MECOM: variants seen among roughly 807,000 people sequenced by gnomAD.
MECOM encodes MDS1 and EVI1 complex locus.
MECOM carries 13 observed loss-of-function variants against 116.3 expected under a neutral mutation model. The observed-to-expected ratio is 0.11, with a 90% CI of 0.07 to 0.18. MECOM has a LOEUF of 0.18. Among genes scored for constraint, MECOM ranks in the 10% least tolerant of loss-of-function variants. The pLI is 1.00. For synonymous variants in MECOM, 528 were observed against 535.2 expected (o/e 0.99, Z 0.19); for missense variants, 1,299 against 1,509.0 (o/e 0.86, Z 2.31).
intron 2 of MECOM, among the ~76,000 whole-genome samples, chr3:169,365,546 A>T (rs1323012105): frequency 2.6e-5 from 4 of 152,036 alleles, no homozygotes; most frequent in Non-Finnish European, 5.9e-5. Context: ...CTGTGTCACC[A>T]TGGCATTGTG....
intron 1 of MECOM, among the ~76,000 whole-genome samples, chr3:169,621,006 T>C (rs1770647986): frequency 1.3e-5 from 2 of 152,188 alleles, no homozygotes; most frequent in South Asian, 4.1e-4. Flanking sequence ...TTTACCTCTC[T>C]GAGCTTCACA....
intron 2 of MECOM, among the ~76,000 whole-genome samples, chr3:169,309,730 G>C (rs1287309372): frequency 6.6e-6 from 1 of 152,184 alleles, no homozygotes; most frequent in Non-Finnish European, 1.5e-5. Context: ...CACGGTGTAA[G>C]AGATAAAGCA....
chr3:169,402,458 G>GA (rs1204107656), intron 1 of MECOM, among the ~76,000 whole-genome samples: 1 of 151,936 alleles, frequency 6.6e-6, no homozygotes, highest in East Asian at 1.9e-4. Context: ...GGGATGGTAG[G>GA]AAAAAAATTT....
intron 13 of MECOM, among the ~76,000 whole-genome samples, chr3:169,094,181 C>G (rs1388656999): frequency 6.6e-6 from 1 of 151,934 alleles, no homozygotes; most frequent in Non-Finnish European, 1.5e-5. Flanking sequence ...AAATAATGTG[C>G]CTTTATAGGG....
At chr3:169,341,390 G>A (rs1043596886) in intron 2 of MECOM, among the ~76,000 whole-genome samples, 15 of 148,572 alleles carry the variant, frequency 1.0e-4, no homozygotes, top group Non-Finnish European at 2.1e-4. Flanking sequence ...GGCAAGGGTA[G>A]TGGGGAGGTT....
At chr3:169,409,882 A>G (rs1737269712) in intron 1 of MECOM, among the ~76,000 whole-genome samples, 2 of 152,250 alleles carry the variant, frequency 1.3e-5, no homozygotes, top group African/African-American at 4.8e-5. Context: ...AAGTCAGAGA[A>G]AACGCAATAT....
At chr3:169,086,451 G>A in intron 16 of MECOM, 1 of 645,056 alleles carries the variant, frequency 1.6e-6, no homozygotes, top group East Asian at 2.7e-5. Context: ...AGATAAAAAG[G>A]AGTACAAAGA....
intron 2 of MECOM, among the ~76,000 whole-genome samples, chr3:169,334,601 T>C (rs375917185): frequency 6.6e-6 from 1 of 152,142 alleles, no homozygotes; most frequent in Non-Finnish European, 1.5e-5. Flanking sequence ...AGAGAAATAG[T>C]TGAGGTCAGA....
At chr3:169,462,676 A>G (rs1747651005) in intron 1 of MECOM, among the ~76,000 whole-genome samples, 1 of 152,208 alleles carries the variant, frequency 6.6e-6, no homozygotes, top group Non-Finnish European at 1.5e-5. Flanking sequence ...AAAAACTGGA[A>G]ACAGTCTTGG....
At chr3:169,437,705 C>T (rs1380498802) in intron 1 of MECOM, among the ~76,000 whole-genome samples, 2 of 152,140 alleles carry the variant, frequency 1.3e-5, no homozygotes, top group South Asian at 2.1e-4. Flanking sequence ...TATAGAGAAA[C>T]GTGTTTTCAT....
At chr3:169,228,716 T>C (rs372884959) in intron 2 of MECOM, among the ~76,000 whole-genome samples, 2 of 152,224 alleles carry the variant, frequency 1.3e-5, no homozygotes, top group Non-Finnish European at 1.5e-5. Flanking sequence ...GCTGAAATAC[T>C]GCATACTTGG....
At chr3:169,429,590 A>G (rs879847745) in intron 1 of MECOM, among the ~76,000 whole-genome samples, 4 of 152,184 alleles carry the variant, frequency 2.6e-5, no homozygotes, top group Non-Finnish European at 5.9e-5. Flanking sequence ...TTATAGGGAG[A>G]AAACATCTTG....
chr3:169,335,278 C>T (rs1043320176), intron 2 of MECOM, among the ~76,000 whole-genome samples: 6 of 152,112 alleles, frequency 3.9e-5, no homozygotes, highest in Non-Finnish European at 5.9e-5. Context: ...AAGTTTGGAA[C>T]TATTTGCTGA....
At chr3:169,633,913 A>C (rs890274972) in intron 1 of MECOM, among the ~76,000 whole-genome samples, 6 of 144,160 alleles carry the variant, frequency 4.2e-5, no homozygotes, top group African/African-American at 1.0e-4. Context: ...AAAAAAAAAA[A>C]AAAAACAAAA....
intron 1 of MECOM, among the ~76,000 whole-genome samples, chr3:169,532,246 C>G (rs1174502160): frequency 5.3e-5 from 8 of 152,194 alleles, no homozygotes; most frequent in African/African-American, 1.4e-4. Context: ...ATCTGCACTT[C>G]TAACAAGTTC....
chr3:169,124,654 T>C (rs564807282), intron 5 of MECOM, among the ~76,000 whole-genome samples: 15 of 152,230 alleles, frequency 9.9e-5, no homozygotes, highest in Admixed American at 2.0e-4. Context: ...TAAGATGATA[T>C]ACTGTCCAGA....
At position 169,122,632 on chromosome 3, in the gene MECOM, T is replaced by G. The variant is rs756898457; in HGVS notation, c.926A>C (p.His309Pro). 3 of 1,614,126 alleles carry G rather than the reference T, an allele frequency of 1.9e-6. No homozygotes were observed. The highest frequency in any genetic ancestry group is 8.5e-7 in the Non-Finnish European group (1 of 1,179,960). The change falls in exon 6 of 17, where the codon CAC becomes CCC. Residue 309 changes from histidine (H) to proline (P), a missense_variant. Around this residue, in one of 6 missense-constraint regions of MECOM, gnomAD observed 374 missense variants for 433.4 expected, o/e 0.86. Coordinates refer to ENST00000651503, the MANE Select transcript of MECOM (RefSeq NM_004991.4). ...CTTTCCACTGTCATGTGACATCTGG[T>G]GGCGAATTAAATTGGACTTCCAGTT... ...AFNWKSNLIR[H>P]QMSHDSGKHY... is the part of the protein sequence containing the mutation.
intron 1 of MECOM, chr3:169,476,849 T>A (rs1167693794): frequency 6.6e-6 from 1 of 150,816 alleles, no homozygotes; most frequent in Non-Finnish European, 1.5e-5. Flanking sequence ...GTTGATGCTG[T>A]TCTTTTTTTT....
intron 2 of MECOM, among the ~76,000 whole-genome samples, chr3:169,174,551 A>G (rs1358490378): frequency 6.6e-6 from 1 of 152,242 alleles, no homozygotes; most frequent in Non-Finnish European, 1.5e-5. Context: ...CCCAAACATC[A>G]GTTATATCAA....
Sources: allele counts gnomAD v4.1 joint callset (sites outside exome capture counted in the v4.1 genomes callset), GRCh38; gene constraint gnomAD v4.1.1; regional missense constraint gnomAD v4.1.1; transcripts MANE v1.5; gene names NCBI Gene and HGNC (gene_info 2026-07-23, HGNC 2026-07-21).